The following PSD4 variants were observed in gnomAD, a reference collection of about 807,000 sequenced individuals.
PSD4 encodes the protein pleckstrin and Sec7 domain containing 4.
In PSD4, 59 loss-of-function variants were observed where a neutral mutation model predicts 112.5. The ratio of observed to expected loss-of-function variants is 0.52; its 90% CI spans 0.43 to 0.65. The LOEUF is 0.65. Ranked by LOEUF, PSD4 falls within the 30% of genes least tolerant of loss-of-function variation. The probability of loss-of-function intolerance (pLI) is 0.00; values close to 1 mark genes in which losing one functional copy is unlikely to be tolerated. For synonymous variants in PSD4, 533 were observed against 540.0 expected (o/e 0.99, Z 0.18); for missense variants, 1,267 against 1,352.6 (o/e 0.94, Z 0.99).
At chr2:113,193,521 C>T (rs1573370997) in intron 8 of PSD4, 71 bp from the exon 9 acceptor site, 3 of 1,534,404 alleles carry the variant, frequency 2.0e-6, no homozygotes, top group East Asian at 2.3e-5. Context: ...TTACCCCACG[C>T]AGTGTGGGCA....
chr2:113,178,426 T>C (rs1337974497), intron 1 of PSD4, among the ~76,000 whole-genome samples: 1 of 150,832 alleles, frequency 6.6e-6, no homozygotes, highest in Non-Finnish European at 1.5e-5. Flanking sequence ...CTGGTATTTA[T>C]TTTTTTTCCT....
chr2:113,184,958 G>C lies in PSD4; in HGVS notation c.1058G>C (p.Gly353Ala). The change falls in exon 3 of 17, where the codon GGA becomes GCA. Residue 353 changes from glycine (G) to alanine (A), a missense_variant and splice_region_variant. By Grantham distance (60) the Gly-to-Ala change is moderately conservative. Around this residue, in one of 2 missense-constraint regions of PSD4, gnomAD observed 723 missense variants for 704.0 expected, o/e 1.03. Transcript: ENST00000245796. ...AAPPGHGESE[G>A]DRLGPAPSAA... Reference sequence around the variant, plus strand: ...TCTGTCTCTCTCTCGACTTCTCAGGGAGATAGGCTTGGTCCTGCTCCATCT... The same window carrying C: ...TCTGTCTCTCTCTCGACTTCTCAGGCAGATAGGCTTGGTCCTGCTCCATCT... 6.2e-7 allele frequency: 1 copy of C among 1,614,092 alleles called. No individual in the cohort carries two copies. The highest frequency in any genetic ancestry group is 8.5e-7 in the Non-Finnish European group (1 of 1,179,992).
At chr2:113,181,715 T>A (rs939011066) in intron 1 of PSD4, among the ~76,000 whole-genome samples, 1 of 152,162 alleles carries the variant, frequency 6.6e-6, no homozygotes, top group African/African-American at 2.4e-5. Context: ...AGAGAGCCCC[T>A]TGCTGCTTCC....
rs1407958732 is a variant in PSD4 at position 113,185,375 on chromosome 2, G to A, written c.1184G>A (p.Ser395Asn). 1.2e-6 allele frequency: 2 copies of A among 1,614,022 alleles called. No individual in the cohort carries two copies. The highest frequency in any genetic ancestry group is 2.7e-5 in the African/African-American group (2 of 74,906). The change falls in exon 4 of 17, where the codon AGC (serine) becomes AAC (asparagine). Residue 395 changes from serine to asparagine, a missense_variant. Transcript: ENST00000245796. Reference protein sequence around the residue: ...AHPVQPWASLSPEGWQRGGPF... With the variant: ...AHPVQPWASLNPEGWQRGGPF... ...TGCCTCTCTCAACAGGCCTCTCTCA[G>A]CCCTGAGGGCTGGCAGAGAGGAGGT...
In PSD4 at chr2:113,208,770, G is replaced by GC. The variant is rs1688900562; in HGVS notation, c.*7356dup. On this transcript the variant is annotated 3_prime_UTR_variant, in exon 17 of 17. Coordinates refer to ENST00000245796, the MANE Select transcript of PSD4 (RefSeq NM_012455.3). ...CTGCTCTGACCCTGAGTTGGACCCAGCTAGGAATTGTGACTTCAGTTACTA... is the reference window on the plus strand; with the variant it reads ...CTGCTCTGACCCTGAGTTGGACCCAGCCTAGGAATTGTGACTTCAGTTACTA... 1 of 152,190 alleles carries GC rather than the reference G, an allele frequency of 6.6e-6. No homozygotes were observed. The highest frequency in any genetic ancestry group is 6.5e-5 in the Admixed American group (1 of 15,282). 9.4% of individuals were successfully genotyped at this position (152,190 alleles called of 1,614,324 possible). A position where few individuals can be genotyped will look rare whatever the true frequency, so the allele number is the denominator to read the frequency against.
chr2:113,187,211 A>G (rs1042520065), intron 5 of PSD4, among the ~76,000 whole-genome samples: 6 of 152,222 alleles, frequency 3.9e-5, no homozygotes, highest in South Asian at 4.1e-4. Flanking sequence ...CAGGTAAAGC[A>G]CAGCCATGTT....
chr2:113,199,677 C>T (rs1429594349), intron 16 of PSD4, among the ~76,000 whole-genome samples: 1 of 152,194 alleles, frequency 6.6e-6, no homozygotes, highest in Non-Finnish European at 1.5e-5. Context: ...ATTCAATTAA[C>T]AGCTCTGGGT....
At chr2:113,195,351 AG>A (rs1688576299) in intron 10 of PSD4, among the ~76,000 whole-genome samples, 1 of 152,046 alleles carries the variant, frequency 6.6e-6, no homozygotes, top group African/African-American at 2.4e-5. Context: ...TAGTAGAGAC[AG>A]GGTTTCATCA....
In PSD4 at chr2:113,186,164, A is replaced by C; in HGVS notation, c.1537A>C (p.Lys513Gln). 6.2e-7 allele frequency: 1 copy of C among 1,614,158 alleles called. No individual in the cohort carries two copies. Among genetic ancestry groups the C allele is most frequent in the Non-Finnish European group, 8.5e-7 (1 of 1,180,026 alleles). The change falls in exon 5 of 17, where the codon AAA (lysine) becomes CAA (glutamine). Residue 513 changes from lysine to glutamine, a missense_variant. Coordinates refer to ENST00000245796, the MANE Select transcript of PSD4 (RefSeq NM_012455.3). ...LKKKEAGEAP[K>Q]PGEEVKSEGT... ...GAAAAAGGAGGCAGGGGAGGCCCCA[A>C]AACCAGGCGAGGAAGTAAAGAGTGA...
rs190918946 is a variant in PSD4, at chr2:113,182,906, G to A, written c.450G>A (p.Thr150=). Reference sequence around the variant, plus strand: ...GGAGCCCAAAGCAGAACCGGAGCACGTCCACACAGGTAGTGTTCTGGGCAG... The same window carrying A: ...GGAGCCCAAAGCAGAACCGGAGCACATCCACACAGGTAGTGTTCTGGGCAG... ...LPGSPKQNRS[T]STQVVFWAGI... is the part of the protein sequence containing the mutation. The change falls in exon 2 of 17, where the codon ACG becomes ACA. Residue 150 remains threonine, a synonymous_variant. Transcript: ENST00000245796. The A allele has an allele frequency of 5.7e-5, 92 of 1,614,104 alleles. No individual in the cohort carries two copies. Among genetic ancestry groups the A allele is most frequent in the Admixed American group, 8.3e-5 (5 of 60,010 alleles).
chr2:113,178,615 A>T (rs925761287), intron 1 of PSD4, among the ~76,000 whole-genome samples: 2 of 151,960 alleles, frequency 1.3e-5, no homozygotes, highest in Admixed American at 6.6e-5. Flanking sequence ...ATCTTATGAA[A>T]AATTCAGGAT....
chr2:113,199,253 C>A (rs772376638), intron 16 of PSD4, 27 bp downstream of exon 16: 2 of 1,431,124 alleles, frequency 1.4e-6, no homozygotes, highest in Non-Finnish European at 1.8e-6. Flanking sequence ...ACCTCCCCGC[C>A]GCTGCGCAGC....
In PSD4 at chr2:113,182,714, T is replaced by C. The variant is rs779340025; in HGVS notation, c.258T>C (p.Pro86=). 3 of 1,605,124 alleles carry C rather than the reference T, an allele frequency of 1.9e-6. No homozygotes were observed. Among genetic ancestry groups the C allele is most frequent in the Non-Finnish European group, 1.7e-6 (2 of 1,174,342 alleles). Reference sequence around the variant, plus strand: ...GGGTCCATCAGGACGGGCTGGAGCCTTGCCAGGAGCAAACCCGGGCCACTG... The same window carrying C: ...GGGTCCATCAGGACGGGCTGGAGCCCTGCCAGGAGCAAACCCGGGCCACTG... ...GSWVHQDGLE[P]CQEQTRATDP... The change falls in exon 2 of 17, where the codon CCT becomes CCC. Residue 86 remains proline, a synonymous_variant. Coordinates refer to ENST00000245796, the MANE Select transcript of PSD4 (RefSeq NM_012455.3).
At chr2:113,188,209 T>C (rs930204139) in intron 5 of PSD4, among the ~76,000 whole-genome samples, 7 of 152,190 alleles carry the variant, frequency 4.6e-5, no homozygotes, top group Admixed American at 2.0e-4. Flanking sequence ...AAAAAAAGTA[T>C]GCAAATATAA....
intron 5 of PSD4, 117 bp downstream of exon 5, chr2:113,186,372 A>C (rs1284330595): frequency 6.0e-6 from 7 of 1,163,474 alleles, no homozygotes; most frequent in Non-Finnish European, 2.4e-6. Context: ...ATATTTATTA[A>C]GCAAGGATTA....
Position 113,182,681 on chromosome 2 carries a change from G to A in PSD4, c.225G>A (p.Leu75=). Residue 75 remains leucine, a synonymous_variant, in exon 2 of 17, where the codon CTG becomes CTA. Coordinates refer to ENST00000245796, the MANE Select transcript of PSD4 (RefSeq NM_012455.3). ...GCTCCGGTGTGGAGCTCACACACCT[G>A]GGGAGCTGGGTCCATCAGGACGGGC... ...PWGSGVELTH[L]GSWVHQDGLE... is the part of the protein sequence containing the mutation. 1 of 1,612,532 alleles carries A rather than the reference G, an allele frequency of 6.2e-7. No individual in the cohort carries two copies. The highest frequency in any genetic ancestry group is 8.5e-7 in the Non-Finnish European group (1 of 1,179,140).
chr2:113,198,396 C>G (rs1165870599), intron 14 of PSD4, among the ~76,000 whole-genome samples: 1 of 152,216 alleles, frequency 6.6e-6, no homozygotes. Flanking sequence ...CTGAGCCTCC[C>G]GAGTAGCTGG....
intron 5 of PSD4, among the ~76,000 whole-genome samples, chr2:113,188,915 T>G (rs45499599): frequency 0.029 from 4,482 of 152,326 alleles, 245 homozygotes; most frequent in East Asian, 0.23. Context: ...TTTTTATAAT[T>G]TTTATTTCCA....
At chr2:113,180,324 G>A (rs1688094304) in intron 1 of PSD4, among the ~76,000 whole-genome samples, 1 of 152,232 alleles carries the variant, frequency 6.6e-6, no homozygotes, top group Non-Finnish European at 1.5e-5. Flanking sequence ...GTATGTGGCA[G>A]GACGAGGGTT....
Sources: gnomAD v4.1 joint callset for allele counts (sites outside exome capture counted in the v4.1 genomes callset) on GRCh38, gnomAD v4.1.1 for gene constraint, gnomAD v4.1.1 regional missense constraint, MANE v1.5 for transcripts, NCBI Gene and HGNC (gene_info 2026-07-23, HGNC 2026-07-21) for gene names.